GABPB2: variants seen among roughly 807,000 people sequenced by gnomAD.
GABPB2 encodes GA-binding protein subunit beta-2.
In GABPB2, 23 loss-of-function variants were observed where a neutral mutation model predicts 39.1. The ratio of observed to expected loss-of-function variants is 0.59; its 90% CI spans 0.42 to 0.83. GABPB2 has a LOEUF of 0.83. Among genes scored for constraint, GABPB2 ranks in the 40% least tolerant of loss-of-function variants. The probability of loss-of-function intolerance (pLI) is 0.00; values close to 1 mark genes in which losing one functional copy is unlikely to be tolerated. For synonymous variants in GABPB2, 184 were observed against 199.3 expected, an observed-to-expected ratio of 0.92 and a Z score of 0.65; for missense variants, 467 against 541.1, an observed-to-expected ratio of 0.86 and a Z score of 1.36.
chr1:151,083,003 T>G (rs900623567), intron 1 of GABPB2, among the ~76,000 whole-genome samples: 1 of 151,480 alleles, frequency 6.6e-6, no homozygotes, highest in African/African-American at 2.4e-5. Flanking sequence ...AAGAAAAAGT[T>G]AGTTGCAATG....
Position 151,100,204 on chromosome 1 carries a change from G to GCCCAATC in GABPB2, c.622+2203_622+2209dup, listed in dbSNP as rs587632025. On this transcript the variant is annotated intron_variant, in intron 5 of 8. Transcript: ENST00000368918. ...CTGTCGCCCAGGCTGGAGTGCAGTG[G>GCCCAATC]CCCAATCTCAGCTCACTGCAACCTC... Among the ~76,000 whole-genome samples the GCCCAATC allele has an allele frequency of 3.2e-3, 490 of 151,146 alleles. 2 individuals are homozygous for GCCCAATC. The highest frequency in any genetic ancestry group is 8.3e-3 in the South Asian group (40 of 4,794).
intron 1 of GABPB2, among the ~76,000 whole-genome samples, chr1:151,072,646 C>T (rs1203771567): frequency 6.6e-6 from 1 of 151,958 alleles, no homozygotes; most frequent in Non-Finnish European, 1.5e-5. Context: ...AGGAGTTCGA[C>T]ACCAGCCTGG....
At position 151,070,788 on chromosome 1, in the gene GABPB2, G is replaced by GA. The variant is rs1172109308; in HGVS notation, c.-146dup. 1 of 152,118 alleles carries GA rather than the reference G, an allele frequency of 6.6e-6. No individual in the cohort carries two copies. Among genetic ancestry groups the GA allele is most frequent in the Admixed American group, 6.5e-5 (1 of 15,268 alleles). The allele number at this position is 152,118 out of a possible 1,614,324, so 9.4% of individuals were successfully genotyped here. A position where few individuals can be genotyped will look rare whatever the true frequency, so the allele number is the denominator to read the frequency against. ...CATTTTGTTGCCTCTGTTTCTCCAC[G>GA]AGGGGGGGTTAAAGGCCCCCAAAAC... On this transcript the variant is annotated 5_prime_UTR_variant, in exon 1 of 9. Coordinates refer to ENST00000368918, the MANE Select transcript of GABPB2 (RefSeq NM_144618.3).
chr1:151,096,120 T>C (rs1268756574), intron 4 of GABPB2, among the ~76,000 whole-genome samples: 1 of 150,908 alleles, frequency 6.6e-6, no homozygotes, highest in Non-Finnish European at 1.5e-5. Context: ...GGGATAATTA[T>C]ATATGAAAAA....
chr1:151,104,749 C>A (rs587660785), intron 6 of GABPB2, among the ~76,000 whole-genome samples: 1 of 151,936 alleles, frequency 6.6e-6, no homozygotes, highest in Non-Finnish European at 1.5e-5. Flanking sequence ...CTGCAAAGTT[C>A]TATCTGTGAC....
intron 5 of GABPB2, among the ~76,000 whole-genome samples, chr1:151,101,816 TATA>T (rs955379629): frequency 9.9e-5 from 15 of 152,132 alleles, no homozygotes; most frequent in African/African-American, 3.6e-4. Context: ...AATAGAGAAA[TATA>T]ATTCATTTTA....
rs1388532907 is a variant in GABPB2, at chr1:151,088,278, CCCCATTCA to C, written c.92_99del (p.Pro31HisfsTer30). On this transcript the variant is annotated frameshift_variant, in exon 2 of 9. Transcript: ENST00000368918. LOFTEE classifies it high-confidence loss of function. ...GTGAGAACGTTGATGGCAAATGGCG[CCCCATTCA>C]CCACAGACTGGGTAAGCTTAGAGGA... 1 of 1,613,284 alleles carries C rather than the reference CCCCATTCA, an allele frequency of 6.2e-7. No homozygotes were observed. Among genetic ancestry groups the C allele is most frequent in the South Asian group, 1.1e-5 (1 of 90,984 alleles).
chr1:151,075,077 GGTT>G (rs1379789242), intron 1 of GABPB2, among the ~76,000 whole-genome samples: 1 of 152,086 alleles, frequency 6.6e-6, no homozygotes, highest in East Asian at 1.9e-4. Flanking sequence ...TAGAGGCAGA[GGTT>G]GTGGCGAGCC....
chr1:151,106,481 G>A (rs1679976188), intron 6 of GABPB2, among the ~76,000 whole-genome samples: 1 of 151,864 alleles, frequency 6.6e-6, no homozygotes. Flanking sequence ...GGAACTACAG[G>A]CACGTGCCAC....
At chr1:151,084,457 G>A (rs867919794) in intron 1 of GABPB2, among the ~76,000 whole-genome samples, 19 of 149,734 alleles carry the variant, frequency 1.3e-4, no homozygotes, top group African/African-American at 4.4e-4. Flanking sequence ...AACTCCTGAC[G>A]TCAGATGATC....
At position 151,125,541 on chromosome 1, in the gene GABPB2, G is replaced by T. The variant is rs956859183; in HGVS notation, c.*7285G>T. On this transcript the variant is annotated 3_prime_UTR_variant, in exon 9 of 9. Coordinates refer to ENST00000368918, the MANE Select transcript of GABPB2 (RefSeq NM_144618.3). The stretch of plus-strand genomic sequence containing the variant: ...TGTTTCTCAATAAAATGTCAAAGCC[G>T]ACCATTTCAGGGTGTCATTGAATTT... 1 of 151,194 alleles carries T rather than the reference G, an allele frequency of 6.6e-6. No individual in the cohort carries two copies. Among genetic ancestry groups the T allele is most frequent in the African/African-American group, 2.4e-5 (1 of 41,086 alleles). 9.4% of individuals were successfully genotyped at this position (151,194 alleles called of 1,614,324 possible).
chr1:151,076,948 C>G (rs1203150236), intron 1 of GABPB2, among the ~76,000 whole-genome samples: 2 of 151,856 alleles, frequency 1.3e-5, no homozygotes, highest in Non-Finnish European at 2.9e-5. Context: ...TGCCTGCCAC[C>G]ACACCCGGCT....
rs1295645260 is a variant in GABPB2, at chr1:151,123,583, T to G, written c.*5327T>G. The G allele has an allele frequency of 6.6e-6, 1 of 152,268 alleles. No individual in the cohort carries two copies. The highest frequency in any genetic ancestry group is 2.4e-5 in the African/African-American group (1 of 41,420). The allele number at this position is 152,268 out of a possible 1,614,324, so 9.4% of individuals were successfully genotyped here. A position where few individuals can be genotyped will look rare whatever the true frequency, so the allele number is the denominator to read the frequency against. On this transcript the variant is annotated 3_prime_UTR_variant, in exon 9 of 9. Coordinates refer to ENST00000368918, the MANE Select transcript of GABPB2 (RefSeq NM_144618.3). ...AAATAAAGCTGCTGGCCGGGCACAGTGGCTCACGCCTGTAACCTCAGCACT... is the reference window on the plus strand; with the variant it reads ...AAATAAAGCTGCTGGCCGGGCACAGGGGCTCACGCCTGTAACCTCAGCACT...
At chr1:151,104,759 C>CTCTT (rs1023380620) in intron 6 of GABPB2, among the ~76,000 whole-genome samples, 3 of 118,136 alleles carry the variant, frequency 2.5e-5, no homozygotes, top group East Asian at 7.8e-4. Flanking sequence ...CTATCTGTGA[C>CTCTT]TCTTTCTTTC....
rs71090124 is a variant in GABPB2, at chr1:151,071,453, CTTT to C, written c.-1+533_-1+535del. Among the ~76,000 whole-genome samples the C allele has an allele frequency of 2.2e-4, 22 of 100,524 alleles. 2 individuals carry two copies. In the Admixed American group the frequency reaches 2.5e-3, roughly 11 times the overall value. 65.9% of individuals were successfully genotyped at this position (100,524 alleles called of 152,430 possible). A position where few individuals can be genotyped will look rare whatever the true frequency, so the allele number is the denominator to read the frequency against. On this transcript the variant is annotated intron_variant, in intron 1 of 8. Coordinates refer to ENST00000368918, the MANE Select transcript of GABPB2 (RefSeq NM_144618.3). The stretch of plus-strand genomic sequence containing the variant: ...CGGGCCCCGCCTCTGCTTTTTTGCT[CTTT>C]TTTTTTTTTTTTTCAAAACTGAGTC...
intron 8 of GABPB2, 129 bp from the exon 9 acceptor site, chr1:151,117,828 C>T: frequency 1.1e-6 from 1 of 905,348 alleles, no homozygotes; most frequent in Non-Finnish European, 1.7e-6. Context: ...AGATAATCTG[C>T]CTACCTCTGC....
intron 4 of GABPB2, 109 bp downstream of exon 4, chr1:151,093,495 C>G: frequency 1.4e-6 from 1 of 719,290 alleles, no homozygotes; most frequent in Middle Eastern, 3.9e-4. Flanking sequence ...AGTAGCACTT[C>G]TAATATGTCT....
chr1:151,106,858 GTTTTC>G (rs913432456), intron 6 of GABPB2, among the ~76,000 whole-genome samples, 174 bp from the exon 7 acceptor site: 7 of 151,922 alleles, frequency 4.6e-5, no homozygotes, highest in African/African-American at 7.3e-5. Flanking sequence ...AATGCATTCT[GTTTTC>G]TTTTCTCCTC....
At chr1:151,095,277 A>T (rs1451945674) in intron 4 of GABPB2, among the ~76,000 whole-genome samples, 2 of 152,158 alleles carry the variant, frequency 1.3e-5, no homozygotes, top group Non-Finnish European at 2.9e-5. Flanking sequence ...GAGTGATGAG[A>T]GAATGGGCAA....
Sources: allele counts gnomAD v4.1 joint callset (sites outside exome capture counted in the v4.1 genomes callset), GRCh38; gene constraint gnomAD v4.1.1; transcripts MANE v1.5; gene names NCBI Gene and HGNC (gene_info 2026-07-23, HGNC 2026-07-21).